Variants in TG observed in about 807,000 individuals in gnomAD.
TG encodes thyroglobulin.
TG carries 270 observed loss-of-function variants against 324.7 expected under a neutral mutation model. The ratio of observed to expected loss-of-function variants is 0.83; its 90% CI spans 0.75 to 0.92. The LOEUF (loss-of-function observed/expected upper bound fraction) is 0.92, where lower values mean the gene tolerates loss of function less well. Among genes scored for constraint, TG ranks in the 40% least tolerant of loss-of-function variants. The probability of loss-of-function intolerance (pLI) is 0.00; values close to 1 mark genes in which losing one functional copy is unlikely to be tolerated. For synonymous variants in TG, 1,401 were observed against 1,327.0 expected (o/e 1.06, Z -1.21); for missense variants, 3,591 against 3,456.4 (o/e 1.04, Z -0.98).
In TG at chr8:132,901,414, T is replaced by C. The variant is rs1354545063; in HGVS notation, c.3495T>C (p.Tyr1165=). Residue 1165 remains tyrosine, a synonymous_variant, in exon 16 of 48, where the codon TAT becomes TAC. Coordinates refer to ENST00000220616, the MANE Select transcript of TG (RefSeq NM_003235.5). ...GVLSRRVSPG[Y]VPACRAEDGG... is the part of the protein sequence containing the mutation. ...TCTCCAGGAGAGTCAGCCCAGGCTATGTCCCAGCCTGCAGGGCAGAGGATG... is the reference window on the plus strand; with the variant it reads ...TCTCCAGGAGAGTCAGCCCAGGCTACGTCCCAGCCTGCAGGGCAGAGGATG... 3 of 1,614,234 alleles carry C rather than the reference T, an allele frequency of 1.9e-6. No individual in the cohort carries two copies. The highest frequency in any genetic ancestry group is 1.1e-5 in the South Asian group (1 of 91,090).
intron 43 of TG, chr8:133,106,337 A>T (rs1322110637): frequency 1.1e-6 from 1 of 914,260 alleles, no homozygotes; most frequent in Non-Finnish European, 1.3e-6. Flanking sequence ...CTCCTTACTG[A>T]GGCTCTGCAG....
At chr8:132,900,872 C>A (rs1026241466) in intron 15 of TG, among the ~76,000 whole-genome samples, 2 of 152,192 alleles carry the variant, frequency 1.3e-5, no homozygotes, top group Admixed American at 1.3e-4. Context: ...GTGATAAATT[C>A]TGGTCAGACT....
At position 132,886,926 on chromosome 8, in the gene TG, G is replaced by A. The variant is rs1404520195; in HGVS notation, c.1554G>A (p.Leu518=). The part of the protein sequence containing the change: ...SFLNGGRQED[L]AKPLSVGLDS... The stretch of plus-strand genomic sequence containing the variant: ...TGAATGGAGGGAGACAAGAAGATTT[G>A]GCCAAGCCACTCTCTGTGGGATTAG... Residue 518 remains leucine (L), a synonymous_variant, in exon 9 of 48, where the codon TTG becomes TTA. Transcript: ENST00000220616. 6.2e-7 allele frequency: 1 copy of A among 1,614,096 alleles called. No homozygotes were observed. The highest frequency in any genetic ancestry group is 1.3e-5 in the African/African-American group (1 of 75,012).
intron 28 of TG, among the ~76,000 whole-genome samples, chr8:132,961,313 C>T (rs1306205675): frequency 6.6e-6 from 1 of 152,190 alleles, no homozygotes; most frequent in Admixed American, 6.5e-5. Context: ...GCACTAGGTT[C>T]CCGCGAGATA....
At chr8:132,997,507 G>A (rs1016983882) in intron 35 of TG, among the ~76,000 whole-genome samples, 3 of 152,174 alleles carry the variant, frequency 2.0e-5, no homozygotes, top group Non-Finnish European at 2.9e-5. Flanking sequence ...GCCCCTTGAG[G>A]AGAGGAGGAG....
intron 41 of TG, among the ~76,000 whole-genome samples, chr8:133,053,627 G>A (rs1331673828): frequency 6.6e-6 from 1 of 152,116 alleles, no homozygotes; most frequent in African/African-American, 2.4e-5. Flanking sequence ...TCTACAGAGG[G>A]GTTTGAGGTT....
chr8:132,897,703 C>T lies in TG; in HGVS notation c.3056C>T (p.Ser1019Phe). Residue 1019 changes from serine to phenylalanine, a missense_variant, in exon 12 of 48, where the codon TCC (serine) becomes TTC (phenylalanine). By Grantham distance (155) the Ser-to-Phe change is radical. Transcript: ENST00000220616. ...TCCCCGGACGACTCGGCTGGAGCATCCGCCCTTCTGCGGTCGGGCCCCTAC... is the reference window on the plus strand; with the variant it reads ...TCCCCGGACGACTCGGCTGGAGCATTCGCCCTTCTGCGGTCGGGCCCCTAC... ...RFSPDDSAGASALLRSGPYMP... is the reference protein window; with the variant it reads ...RFSPDDSAGAFALLRSGPYMP... The T allele has an allele frequency of 6.2e-7, 1 of 1,614,238 alleles. No homozygotes were observed. The highest frequency in any genetic ancestry group is 1.1e-5 in the South Asian group (1 of 91,082).
At chr8:133,071,753 C>T (rs1472815941) in intron 41 of TG, among the ~76,000 whole-genome samples, 1 of 152,060 alleles carries the variant, frequency 6.6e-6, no homozygotes, top group African/African-American at 2.4e-5. Flanking sequence ...ACACTTGGTC[C>T]CCTCTCTTCT....
intron 41 of TG, among the ~76,000 whole-genome samples, chr8:133,065,864 C>A (rs1365712780): frequency 1.3e-5 from 2 of 152,060 alleles, no homozygotes; most frequent in Non-Finnish European, 2.9e-5. Flanking sequence ...AACTTTAATA[C>A]AATGGAGGCC....
intron 41 of TG, among the ~76,000 whole-genome samples, chr8:133,043,900 C>T (rs1838794642): frequency 6.6e-6 from 1 of 152,212 alleles, no homozygotes; most frequent in Non-Finnish European, 1.5e-5. Context: ...TCTTTCCTCC[C>T]TCCAATATGC....
chr8:133,103,295 G>A (rs944777300), intron 43 of TG, among the ~76,000 whole-genome samples: 2 of 152,184 alleles, frequency 1.3e-5, no homozygotes, highest in African/African-American at 4.8e-5. Context: ...AGAAGCGAAA[G>A]AGGTATCTCC....
chr8:133,013,856 C>T, intron 37 of TG, 92 bp downstream of exon 37: 1 of 1,504,372 alleles, frequency 6.6e-7, no homozygotes, highest in Non-Finnish European at 9.0e-7. Flanking sequence ...AGGACAGTGG[C>T]TTTTGTTGGC....
At chr8:132,889,152 T>C (rs1280731585) in intron 10 of TG, among the ~76,000 whole-genome samples, 2 of 152,156 alleles carry the variant, frequency 1.3e-5, no homozygotes, top group East Asian at 1.9e-4. Context: ...AGCTATGATA[T>C]ACAAGCCATA....
Position 132,972,691 on chromosome 8 carries a change from C to T in TG, c.6149C>T (p.Ser2050Phe). ...GGAWRILDCG[S>F]PDIEVHTYPF... ...GCCTGGCGCATTTTGGACTGTGGCT[C>T]TCCTGACATTGAAGTCCACACCTAT... is the stretch of plus-strand genomic sequence containing the variant. Residue 2050 changes from serine to phenylalanine, a missense_variant, in exon 34 of 48, where the codon TCT (serine) becomes TTT (phenylalanine). Ser to Phe is a radical substitution (Grantham distance 155). Transcript: ENST00000220616. 6.2e-7 allele frequency: 1 copy of T among 1,613,500 alleles called. No homozygotes were observed. Among genetic ancestry groups the T allele is most frequent in the Non-Finnish European group, 8.5e-7 (1 of 1,179,962 alleles).
At chr8:133,053,080 T>G (rs1244729397) in intron 41 of TG, among the ~76,000 whole-genome samples, 1 of 152,190 alleles carries the variant, frequency 6.6e-6, no homozygotes, top group Non-Finnish European at 1.5e-5. Context: ...AGCCTCCGGA[T>G]AGGCTGTTCC....
At position 132,906,737 on chromosome 8, in the gene TG, A is replaced by G; in HGVS notation, c.3684A>G (p.Thr1228=). The G allele has an allele frequency of 6.2e-7, 1 of 1,614,234 alleles. No individual in the cohort carries two copies. The highest frequency in any genetic ancestry group is 8.5e-7 in the Non-Finnish European group (1 of 1,180,046). Residue 1228 remains threonine (T), a synonymous_variant, in exon 17 of 48, where the codon ACA becomes ACG. Transcript: ENST00000220616. ...ACGCGTCGGAGGTGGTTGGTGGAAC[A>G]ATCCTGTGTGAGACAATCTCGGGCC... ...PFNASEVVGG[T]ILCETISGPT...
At chr8:133,111,829 T>A (rs1464361110) in intron 43 of TG, among the ~76,000 whole-genome samples, 1 of 152,256 alleles carries the variant, frequency 6.6e-6, no homozygotes, top group Non-Finnish European at 1.5e-5. Context: ...CCAGACTTTT[T>A]TCCCCAATAA....
At chr8:133,002,172 C>T (rs1050070567) in intron 35 of TG, 7 of 985,258 alleles carry the variant, frequency 7.1e-6, no homozygotes, top group South Asian at 4.7e-5. Context: ...AGGCACTTTC[C>T]GCCTGTTTTT....
At chr8:133,118,320 C>CTTTT (rs34171048) in intron 45 of TG, among the ~76,000 whole-genome samples, 35 of 88,946 alleles carry the variant, frequency 3.9e-4, no homozygotes, top group East Asian at 1.6e-3. Context: ...CAGATTCTTC[C>CTTTT]TTTTTTTTTT....
Sources: gnomAD v4.1 joint callset for allele counts (sites outside exome capture counted in the v4.1 genomes callset) on GRCh38, gnomAD v4.1.1 for gene constraint, MANE v1.5 for transcripts, NCBI Gene and HGNC (gene_info 2026-07-23, HGNC 2026-07-21) for gene names.